The following CFAP46 variants were observed in gnomAD, a reference collection of about 807,000 sequenced individuals.
The protein encoded by CFAP46 is cilia- and flagella-associated protein 46.
CFAP46 carries 245 observed loss-of-function variants against 325.7 expected under a neutral mutation model. The observed-to-expected ratio is 0.75, with a 90% CI of 0.68 to 0.84. The LOEUF (loss-of-function observed/expected upper bound fraction) is 0.84, where lower values mean the gene tolerates loss of function less well. Ranked by LOEUF, CFAP46 falls within the 40% of genes least tolerant of loss-of-function variation. The pLI is 0.00. For missense variants in CFAP46, 3,346 were observed against 3,543.0 expected, an observed-to-expected ratio of 0.94 and a Z score of 1.41; for synonymous variants, 1,523 against 1,495.9, an observed-to-expected ratio of 1.02 and a Z score of -0.42.
At chr10:132,914,985 G>T (rs554554716) in intron 17 of CFAP46, among the ~76,000 whole-genome samples, 1 of 152,238 alleles carries the variant, frequency 6.6e-6, no homozygotes, top group East Asian at 1.9e-4. Flanking sequence ...CACACCGAGC[G>T]CAGGGCAGTC....
chr10:132,850,760 T>C (rs1313942191), intron 40 of CFAP46, among the ~76,000 whole-genome samples: 1 of 152,184 alleles, frequency 6.6e-6, no homozygotes, highest in Non-Finnish European at 1.5e-5. Flanking sequence ...CTCAAAACAT[T>C]CTACATATTC....
chr10:132,899,079 G>C lies in CFAP46; in HGVS notation c.3099C>G (p.Ala1033=). ...GCCAGGCGTTCCAGTAATGCCGCGCGGCCAGCATCACCAGGGCGCTGCTGC... is the reference window on the plus strand; with the variant it reads ...GCCAGGCGTTCCAGTAATGCCGCGCCGCCAGCATCACCAGGGCGCTGCTGC... ...IAGSSALVML[A]ARHYWNAWLP... The change falls in exon 24 of 58, where the codon GCC becomes GCG. Residue 1033 remains alanine (A), a synonymous_variant. Transcript: ENST00000368586. 6.4e-7 allele frequency: 1 copy of C among 1,550,396 alleles called. No homozygotes were observed. The highest frequency in any genetic ancestry group is 8.7e-7 in the Non-Finnish European group (1 of 1,146,960).
rs761166429 is a variant in CFAP46 at position 132,899,005 on chromosome 10, A to G, written c.3173T>C (p.Leu1058Pro). The change falls in exon 24 of 58, where the codon CTG becomes CCG. Residue 1058 changes from leucine to proline, a missense_variant. Physicochemically the swap from Leu to Pro is moderately conservative, Grantham distance 98. Transcript: ENST00000368586. Reference sequence around the variant, plus strand: ...GTTGATGATGCCGATGAGCCTCTTCAGGGCACCCTTGGCCTTCTTCCTGTA... The same window carrying G: ...GTTGATGATGCCGATGAGCCTCTTCGGGGCACCCTTGGCCTTCTTCCTGTA... ...AVYRKKAKGA[L>P]KRLIGIINKT... 40 of 1,550,446 alleles carry G rather than the reference A, an allele frequency of 2.6e-5. No individual in the cohort carries two copies. The highest frequency in any genetic ancestry group is 3.1e-5 in the Non-Finnish European group (36 of 1,146,992).
At position 132,863,249 on chromosome 10, in the gene CFAP46, C is replaced by T. The variant is rs576726497; in HGVS notation, c.4891-2267G>A. 1.4e-4 allele frequency among the ~76,000 whole-genome samples: 22 copies of T among 152,228 alleles called. No homozygotes were observed. The South Asian group carries it at 3.3e-3, about 23-fold the overall frequency. ...GCTCTCACCACCTCCCACTGCCTCCCGACCCCGGGGTGAGGGAGACTGGGC... is the reference window on the plus strand; with the variant it reads ...GCTCTCACCACCTCCCACTGCCTCCTGACCCCGGGGTGAGGGAGACTGGGC... On this transcript the variant is annotated intron_variant, in intron 35 of 57. Coordinates refer to ENST00000368586, the MANE Select transcript of CFAP46 (RefSeq NM_001200049.3).
At chr10:132,837,002 G>A in intron 44 of CFAP46, 88 bp from the exon 45 acceptor site, 2 of 1,052,778 alleles carry the variant, frequency 1.9e-6, no homozygotes, top group South Asian at 2.6e-5. Flanking sequence ...GAGACCTCGT[G>A]GCAGAGCCAC....
At chr10:132,829,323 G>C (rs1848111519) in intron 50 of CFAP46, among the ~76,000 whole-genome samples, 1 of 152,164 alleles carries the variant, frequency 6.6e-6, no homozygotes, top group Non-Finnish European at 1.5e-5. Context: ...GGAAGCTATT[G>C]TCAATGGTAG....
In CFAP46 at chr10:132,834,661, T is replaced by C; in HGVS notation, c.6859A>G (p.Lys2287Glu). 6.2e-7 allele frequency: 1 copy of C among 1,613,268 alleles called. No individual in the cohort carries two copies. Among genetic ancestry groups the C allele is most frequent in the Admixed American group, 1.7e-5 (1 of 60,008 alleles). Residue 2287 changes from lysine to glutamate, a missense_variant, in exon 48 of 58, where the codon AAG (lysine) becomes GAG (glutamate). Coordinates refer to ENST00000368586, the MANE Select transcript of CFAP46 (RefSeq NM_001200049.3). ...CAACGTCATCCCCAGTACCTGGCCT[T>C]GGAGAGGCTGAGCAGGGGGAATAGC... ...QPLFPLLSLS[K>E]ARVQTPAVVA... is the part of the protein sequence containing the mutation.
chr10:132,859,305 T>C, intron 37 of CFAP46, 58 bp from the exon 38 acceptor site: 1 of 1,448,216 alleles, frequency 6.9e-7, no homozygotes, highest in Middle Eastern at 1.8e-4. Context: ...CGTCAGGGCT[T>C]GCGGCTGGGC....
chr10:132,814,920 G>A lies in CFAP46; in HGVS notation c.7118-6C>T. On this transcript the variant is annotated splice_polypyrimidine_tract_variant and splice_region_variant and intron_variant, in intron 50 of 57. Transcript: ENST00000368586. The stretch of plus-strand genomic sequence containing the variant: ...CTCCTTTTTCACGCCACCTTCTGTT[G>A]AAGACAAGAAAGAGGCAGGGATGTT... 1 of 1,614,070 alleles carries A rather than the reference G, an allele frequency of 6.2e-7. No individual in the cohort carries two copies. The highest frequency in any genetic ancestry group is 8.5e-7 in the Non-Finnish European group (1 of 1,179,968).
chr10:132,813,731 GCCTGTGACGTGGAA>G (rs1190839090), intron 54 of CFAP46, among the ~76,000 whole-genome samples: 1 of 152,076 alleles, frequency 6.6e-6, no homozygotes, highest in African/African-American at 2.4e-5. Flanking sequence ...CTGGCGTGGA[GCCTGTGACGTGGAA>G]CGATCCCTCC....
Position 132,877,967 on chromosome 10 carries a change from CCTT to C in CFAP46, c.4123_4125del (p.Lys1375del), listed in dbSNP as rs1263596900. ...TCATTCTCCTTCTCTTTACTCCTCT[CCTT>C]CTCCTTCTCTTTACTCCTCTCATTC... On this transcript the variant is annotated inframe_deletion, in exon 30 of 58. Transcript: ENST00000368586. The surrounding 1 kb of genome is among the most constrained non-coding windows in gnomAD (Gnocchi z 5.7). 34 of 1,549,510 alleles carry C rather than the reference CCTT, an allele frequency of 2.2e-5. No homozygotes were observed. In the East Asian group the frequency reaches 3.4e-4, roughly 16 times the overall value.
In CFAP46 at chr10:132,919,914, C is replaced by T. The variant is rs114315674; in HGVS notation, c.1730+145G>A. ...TGGCGGGACTCCCAGGCAGGGACCT[C>T]GTCCCACCATCCTGGAGCAGGTGGC... On this transcript the variant is annotated intron_variant, in intron 14 of 57. Coordinates refer to ENST00000368586, the MANE Select transcript of CFAP46 (RefSeq NM_001200049.3). This position sits in a 1 kb window ranked among gnomAD's most constrained non-coding sequence, Gnocchi z 9.7. The T allele has an allele frequency of 2.0e-3, 2,257 of 1,137,598 alleles. 40 individuals carry two copies. In the African/African-American group the frequency reaches 0.03, roughly 15 times the overall value. The allele number at this position is 1,137,598 out of a possible 1,614,324, so 70.5% of individuals were successfully genotyped here.
chr10:132,854,046 C>T (rs1272717169), intron 39 of CFAP46, among the ~76,000 whole-genome samples: 1 of 152,084 alleles, frequency 6.6e-6, no homozygotes, highest in Non-Finnish European at 1.5e-5. Flanking sequence ...TATTCCTCTG[C>T]TTATTTGGGA....
At chr10:132,878,169 G>A (rs1053380874) in intron 29 of CFAP46, 82 bp from the exon 30 acceptor site, 2 of 1,327,980 alleles carry the variant, frequency 1.5e-6, no homozygotes, top group Admixed American at 2.0e-5. Flanking sequence ...CTGGATGAGG[G>A]ACGCTCAGAC....
In CFAP46 at chr10:132,941,596, T is replaced by G; in HGVS notation, c.301A>C (p.Asn101His). ...AQMCAPKSAE[N>H]LEEFENCVTE... is the part of the protein sequence containing the mutation. ...GGGCACAGGACGCCTCTCACCAGGT[T>G]TTCTGCCGACTTCGGGGCACACATC... is the stretch of plus-strand genomic sequence containing the variant. Residue 101 changes from asparagine (N) to histidine (H), a missense_variant, in exon 3 of 58, where the codon AAC (asparagine) becomes CAC (histidine). Asn to His is a moderately conservative substitution (Grantham distance 68, BLOSUM62 1). Transcript: ENST00000368586. The G allele has an allele frequency of 6.2e-7, 1 of 1,612,608 alleles. No individual in the cohort carries two copies. The highest frequency in any genetic ancestry group is 8.5e-7 in the Non-Finnish European group (1 of 1,179,158).
In CFAP46 at chr10:132,869,186, A is replaced by T. The variant is rs1308473304; in HGVS notation, c.4610+88T>A. The T allele has an allele frequency of 9.1e-7, 1 of 1,096,520 alleles. No homozygotes were observed. The highest frequency in any genetic ancestry group is 2.9e-5 in the East Asian group (1 of 34,986). The allele number at this position is 1,096,520 out of a possible 1,614,324, so 67.9% of individuals were successfully genotyped here. On this transcript the variant is annotated intron_variant, in intron 33 of 57. Coordinates refer to ENST00000368586, the MANE Select transcript of CFAP46 (RefSeq NM_001200049.3). This position sits in a 1 kb window ranked among gnomAD's most constrained non-coding sequence, Gnocchi z 6.2. ...TCCCCAGAGGGGCAGGAGTCCAGGG[A>T]AGAGGGTGGCCGCGCAGCTGGCTTT...
chr10:132,850,981 G>C (rs1848531397), intron 40 of CFAP46, 136 bp downstream of exon 40: 4 of 968,546 alleles, frequency 4.1e-6, no homozygotes, highest in Non-Finnish European at 6.2e-6. Context: ...AGCTCCCCCT[G>C]CTGCAAGAGG....
chr10:132,837,796 GAC>G (rs773169703), intron 44 of CFAP46, among the ~76,000 whole-genome samples: 105 of 89,550 alleles, frequency 1.2e-3, no homozygotes, highest in East Asian at 2.0e-3. Flanking sequence ...GACATGCATG[GAC>G]ACACATGCAC....
intron 13 of CFAP46, 39 bp downstream of exon 13, chr10:132,922,065 G>A (rs2135609684): frequency 2.0e-6 from 3 of 1,536,866 alleles, no homozygotes; most frequent in African/African-American, 2.7e-5. Flanking sequence ...ATTCCAAGGT[G>A]GACCGTTCTG....
Sources: allele counts gnomAD v4.1 joint callset (sites outside exome capture counted in the v4.1 genomes callset), GRCh38; gene constraint gnomAD v4.1.1; non-coding constraint Gnocchi (gnomAD v3.1); transcripts MANE v1.5; gene names NCBI Gene and HGNC (gene_info 2026-07-23, HGNC 2026-07-21).